CDH13: variants seen among roughly 807,000 people sequenced by gnomAD.
CDH13 encodes the protein cadherin 13.
CDH13 carries 24 observed loss-of-function variants against 63.8 expected under a neutral mutation model. That is an observed-to-expected ratio of 0.38 (90% CI 0.27 to 0.53). The LOEUF (loss-of-function observed/expected upper bound fraction) is 0.53, where lower values mean the gene tolerates loss of function less well. CDH13 is among the 20% of genes least tolerant of loss of function. CDH13 has a pLI of 0.85. For synonymous variants in CDH13, 503 were observed against 355.3 expected, an observed-to-expected ratio of 1.42 and a Z score of -4.67; for missense variants, 1,049 against 903.1, an observed-to-expected ratio of 1.16 and a Z score of -2.07.
At chr16:83,608,150 A>G (rs1908519428) in intron 8 of CDH13, among the ~76,000 whole-genome samples, 2 of 152,232 alleles carry the variant, frequency 1.3e-5, no homozygotes, top group Non-Finnish European at 2.9e-5. Context: ...ATAATTTAGG[A>G]CTTTTTGGCA....
intron 4 of CDH13, among the ~76,000 whole-genome samples, chr16:83,151,027 A>T (rs901459671): frequency 6.6e-6 from 1 of 152,288 alleles, no homozygotes; most frequent in Admixed American, 6.5e-5. Flanking sequence ...GGTGACAAGC[A>T]TATAGTAGGT....
intron 6 of CDH13, among the ~76,000 whole-genome samples, chr16:83,449,612 T>C (rs1598048037): frequency 6.6e-6 from 1 of 152,312 alleles, no homozygotes; most frequent in East Asian, 1.9e-4. Context: ...TGGTTCTAAA[T>C]ACACAGGATG....
chr16:82,680,669 A>G (rs1044200179), intron 1 of CDH13, among the ~76,000 whole-genome samples: 2 of 152,216 alleles, frequency 1.3e-5, no homozygotes, highest in Non-Finnish European at 2.9e-5. Context: ...CTGGAATAAT[A>G]TGAATGACAT....
At chr16:82,734,705 C>A (rs760392801) in intron 1 of CDH13, among the ~76,000 whole-genome samples, 1 of 152,206 alleles carries the variant, frequency 6.6e-6, no homozygotes, top group Non-Finnish European at 1.5e-5. Context: ...GCAACCTTGG[C>A]CACTCTCTAG....
intron 6 of CDH13, among the ~76,000 whole-genome samples, chr16:83,425,337 C>CCTGAAGCAAT (rs1597989720): frequency 6.6e-6 from 1 of 152,206 alleles, no homozygotes; most frequent in African/African-American, 2.4e-5. Context: ...TTGGCTCTTG[C>CCTGAAGCAAT]CTGAAGCAAT....
At chr16:82,855,576 C>T (rs80148173) in intron 1 of CDH13, among the ~76,000 whole-genome samples, 3,219 of 152,256 alleles carry the variant, frequency 0.021, 51 homozygotes, top group Non-Finnish European at 0.031. Context: ...TTTTCTGACT[C>T]CTGGATCTGC....
chr16:83,527,777 T>C (rs1429371361), intron 7 of CDH13, among the ~76,000 whole-genome samples: 3 of 152,228 alleles, frequency 2.0e-5, no homozygotes, highest in Admixed American at 6.5e-5. Flanking sequence ...CGGTTGTTGT[T>C]GTCATTTGGG....
chr16:83,423,365 C>T (rs977727750), intron 6 of CDH13, among the ~76,000 whole-genome samples: 14 of 152,190 alleles, frequency 9.2e-5, no homozygotes, highest in Non-Finnish European at 1.8e-4. Flanking sequence ...CCTAAAGCCA[C>T]TCACTCGTTG....
chr16:83,319,522 AC>A (rs2090176411), intron 5 of CDH13, among the ~76,000 whole-genome samples: 4 of 152,372 alleles, frequency 2.6e-5, no homozygotes, highest in Admixed American at 2.6e-4. Flanking sequence ...ATATCGGAGA[AC>A]AGTAAATCAC....
intron 8 of CDH13, among the ~76,000 whole-genome samples, chr16:83,608,962 G>A (rs750769756): frequency 2.0e-5 from 3 of 152,018 alleles, no homozygotes; most frequent in Non-Finnish European, 4.4e-5. Flanking sequence ...AAGAACAAAA[G>A]GTATAGGCTT....
chr16:82,813,326 C>T (rs942916395), intron 1 of CDH13, among the ~76,000 whole-genome samples: 1 of 152,144 alleles, frequency 6.6e-6, no homozygotes, highest in East Asian at 1.9e-4. Flanking sequence ...CTGTGCTCCT[C>T]TTGGGATCAG....
chr16:82,808,311 T>G (rs530014030), intron 1 of CDH13, among the ~76,000 whole-genome samples: 302 of 152,332 alleles, frequency 2.0e-3, no homozygotes, highest in African/African-American at 7.0e-3. Context: ...AGCTTCTATT[T>G]CTGTGAAGCA....
chr16:82,947,658 A>G (rs1567684943), intron 2 of CDH13, among the ~76,000 whole-genome samples: 1 of 152,202 alleles, frequency 6.6e-6, no homozygotes. Flanking sequence ...AAAATATCAA[A>G]AGCCATAACT....
At chr16:83,534,168 C>G (rs537610630) in intron 7 of CDH13, among the ~76,000 whole-genome samples, 1 of 152,260 alleles carries the variant, frequency 6.6e-6, no homozygotes, top group African/African-American at 2.4e-5. Flanking sequence ...TACTTTCTGT[C>G]TTTAAGGATT....
At chr16:83,045,482 C>G (rs1343724310) in intron 3 of CDH13, among the ~76,000 whole-genome samples, 3 of 151,642 alleles carry the variant, frequency 2.0e-5, no homozygotes, top group African/African-American at 4.8e-5. Context: ...ACTAAAAATA[C>G]AAAAATTATC....
chr16:83,370,713 A>G (rs1036477896), intron 6 of CDH13, among the ~76,000 whole-genome samples: 4 of 152,192 alleles, frequency 2.6e-5, no homozygotes, highest in African/African-American at 9.7e-5. Context: ...ATAAATGAGA[A>G]CATGTGGCAA....
chr16:82,831,795 C>T (rs1253077064), intron 1 of CDH13, among the ~76,000 whole-genome samples: 1 of 152,148 alleles, frequency 6.6e-6, no homozygotes, highest in African/African-American at 2.4e-5. Flanking sequence ...AATGACTTGG[C>T]CCCTTTGGTT....
intron 7 of CDH13, among the ~76,000 whole-genome samples, chr16:83,549,974 T>C (rs1049137014): frequency 1.3e-5 from 2 of 152,174 alleles, no homozygotes; most frequent in African/African-American, 4.8e-5. Flanking sequence ...GGATCGTTCA[T>C]ATAGAAAGGA....
At chr16:83,543,379 G>A (rs2075328031) in intron 7 of CDH13, among the ~76,000 whole-genome samples, 1 of 152,154 alleles carries the variant, frequency 6.6e-6, no homozygotes, top group South Asian at 2.1e-4. Context: ...AAATGACATG[G>A]CTCCTTTAAT....
Sources: gnomAD v4.1 joint callset for allele counts (sites outside exome capture counted in the v4.1 genomes callset) on GRCh38, gnomAD v4.1.1 for gene constraint, MANE v1.5 for transcripts, NCBI Gene and HGNC (gene_info 2026-07-23, HGNC 2026-07-21) for gene names.